BIRC6: variants seen among roughly 807,000 people sequenced by gnomAD.
BIRC6 encodes baculoviral IAP repeat containing 6, also known as dual E2 ubiquitin-conjugating enzyme/E3 ubiquitin-protein ligase BIRC6.
A neutral mutation model predicts 503.3 loss-of-function variants in BIRC6; 98 were observed. The observed-to-expected ratio is 0.19, with a 90% CI of 0.17 to 0.23. The LOEUF is 0.23. Ranked by LOEUF, BIRC6 falls within the 10% of genes least tolerant of loss-of-function variation. The probability of loss-of-function intolerance (pLI) is 1.00; values close to 1 mark genes in which losing one functional copy is unlikely to be tolerated. For missense variants in BIRC6, 5,360 were observed against 5,806.0 expected (o/e 0.92, Z 2.50); for synonymous variants, 2,240 against 2,078.7 (o/e 1.08, Z -2.11).
At chr2:32,558,936 C>T (rs2058969943) in intron 65 of BIRC6, 1 of 152,052 alleles carries the variant, frequency 6.6e-6, no homozygotes, top group African/African-American at 2.4e-5. Flanking sequence ...TTTTTATATG[C>T]TGAATCACAT....
At chr2:32,487,543 T>C in intron 40 of BIRC6, 104 bp from the exon 41 acceptor site, 1 of 1,045,794 alleles carries the variant, frequency 9.6e-7, no homozygotes, top group Non-Finnish European at 1.4e-6. Context: ...AAGAATGCAG[T>C]TTTAATTTTT....
intron 8 of BIRC6, 113 bp from the exon 9 acceptor site, chr2:32,406,386 G>A: frequency 1.4e-6 from 1 of 713,162 alleles, no homozygotes; most frequent in Non-Finnish European, 2.4e-6. Context: ...ATGACAGACT[G>A]AGACCCTGTC....
Position 32,479,615 on chromosome 2 carries a change from C to T in BIRC6, c.7406C>T (p.Thr2469Ile), listed in dbSNP as rs1267699073. 1.3e-6 allele frequency: 2 copies of T among 1,597,738 alleles called. No individual in the cohort carries two copies. Among genetic ancestry groups the T allele is most frequent in the Admixed American group, 3.4e-5 (2 of 58,814 alleles). ...GATGAACCTTTGACACATGACATAA[C>T]AGGTAAAGTTTTACATTATGTTTCT... is the stretch of plus-strand genomic sequence containing the variant. The part of the protein sequence containing the change: ...TIDEPLTHDI[T>I]GAPPLSSLEK... Residue 2469 changes from threonine to isoleucine, a missense_variant and splice_region_variant, in exon 37 of 74, where the codon ACA becomes ATA. Physicochemically the swap from Thr to Ile is moderately conservative, Grantham distance 89 (BLOSUM62 -1). Coordinates refer to ENST00000421745, the MANE Select transcript of BIRC6 (RefSeq NM_016252.4).
chr2:32,610,579 G>A (rs2062796572), intron 72 of BIRC6, among the ~76,000 whole-genome samples: 1 of 152,166 alleles, frequency 6.6e-6, no homozygotes, highest in African/African-American at 2.4e-5. Context: ...TTTAAAGGCA[G>A]AAATTTCTCT....
At chr2:32,458,766 C>G (rs780961135) in intron 23 of BIRC6, among the ~76,000 whole-genome samples, 13 of 140,304 alleles carry the variant, frequency 9.3e-5, no homozygotes, top group African/African-American at 3.5e-4. Context: ...TCAATCTTGG[C>G]TCACTGTAGC....
chr2:32,519,025 T>C (rs1023730097), intron 57 of BIRC6, 79 bp downstream of exon 57: 7 of 1,380,214 alleles, frequency 5.1e-6, no homozygotes, highest in Non-Finnish European at 6.9e-6. Flanking sequence ...TATAACTTTA[T>C]TTTCTGCATC....
intron 65 of BIRC6, among the ~76,000 whole-genome samples, chr2:32,574,185 G>C (rs1027467708): frequency 6.8e-6 from 1 of 146,676 alleles, no homozygotes; most frequent in Non-Finnish European, 1.5e-5. Flanking sequence ...TTTTTGAGGC[G>C]GGATTTTGCC....
chr2:32,498,166 A>G (rs2052713052), intron 45 of BIRC6, among the ~76,000 whole-genome samples: 1 of 151,922 alleles, frequency 6.6e-6, no homozygotes, highest in Admixed American at 6.6e-5. Context: ...GGTTCACGTG[A>G]TTTTCGTGCC....
chr2:32,441,250 C>G, intron 16 of BIRC6, 79 bp from the exon 17 acceptor site: 7 of 1,084,824 alleles, frequency 6.5e-6, no homozygotes, highest in Non-Finnish European at 9.1e-6. Flanking sequence ...AGTTATTTTC[C>G]TTTATTTTAT....
intron 21 of BIRC6, among the ~76,000 whole-genome samples, chr2:32,446,644 T>TG (rs1045012384): frequency 2.0e-4 from 30 of 151,594 alleles, no homozygotes; most frequent in African/African-American, 6.8e-4. Context: ...GTTGAGTCTC[T>TG]GGACAGTGTC....
At chr2:32,572,291 A>G (rs1005098917) in intron 65 of BIRC6, among the ~76,000 whole-genome samples, 2 of 152,144 alleles carry the variant, frequency 1.3e-5, no homozygotes, top group Admixed American at 6.5e-5. Context: ...TTCTGTCTCA[A>G]TTATCTTTCT....
rs544551068 is a variant in BIRC6, at chr2:32,480,493, A to T, written c.7409-827A>T. ...CTATAAAGTTATGTTGAATAAGAGG[A>T]TAGGAATGATGGAAAAGTAAGAGTT... On this transcript the variant is annotated intron_variant, in intron 37 of 73. Transcript: ENST00000421745. Among the ~76,000 whole-genome samples, 20 of 152,156 alleles carry T rather than the reference A, an allele frequency of 1.3e-4. No homozygotes were observed. The South Asian group carries it at 3.9e-3, about 30-fold the overall frequency.
At chr2:32,600,704 G>A (rs2061996350) in intron 70 of BIRC6, among the ~76,000 whole-genome samples, 1 of 152,186 alleles carries the variant, frequency 6.6e-6, no homozygotes, top group Admixed American at 6.5e-5. Flanking sequence ...ATAGAGAAGA[G>A]GGTAAGGGCT....
chr2:32,529,775 C>A lies in BIRC6; in HGVS notation c.12045C>A (p.Asp4015Glu), dbSNP rs746144890. The change falls in exon 60 of 74, where the codon GAC becomes GAA. Residue 4015 changes from aspartate (D) to glutamate (E), a missense_variant. Physicochemically the swap from Asp to Glu is conservative, Grantham distance 45 (BLOSUM62 2). Coordinates refer to ENST00000421745, the MANE Select transcript of BIRC6 (RefSeq NM_016252.4). Reference sequence around the variant, plus strand: ...AATTGGGATCAAGAGTTATAACAGACCCCAGTCTATCAAAAACAGATTCTT... The same window carrying A: ...AATTGGGATCAAGAGTTATAACAGAACCCAGTCTATCAAAAACAGATTCTT... ...TVKLGSRVIT[D>E]PSLSKTDSYK... 2 of 1,612,910 alleles carry A rather than the reference C, an allele frequency of 1.2e-6. No individual in the cohort carries two copies. Among genetic ancestry groups the A allele is most frequent in the East Asian group, 2.2e-5 (1 of 44,800 alleles).
At chr2:32,380,857 G>C (rs1406060209) in intron 3 of BIRC6, among the ~76,000 whole-genome samples, 1 of 152,190 alleles carries the variant, frequency 6.6e-6, no homozygotes, top group Non-Finnish European at 1.5e-5. Flanking sequence ...TGATGGACCT[G>C]GATTGGTCAA....
chr2:32,442,893 A>G (rs907828477), intron 19 of BIRC6, among the ~76,000 whole-genome samples: 9 of 152,118 alleles, frequency 5.9e-5, no homozygotes, highest in Non-Finnish European at 7.4e-5. Context: ...TCCCCAGGGC[A>G]TGTGTCCCAA....
intron 66 of BIRC6, among the ~76,000 whole-genome samples, chr2:32,579,517 G>T (rs2060521823): frequency 6.6e-6 from 1 of 152,072 alleles, no homozygotes; most frequent in African/African-American, 2.4e-5. Flanking sequence ...GGGAGACCCT[G>T]TCTCTACAAA....
intron 49 of BIRC6, among the ~76,000 whole-genome samples, chr2:32,503,854 A>G (rs2053480382): frequency 6.6e-6 from 1 of 151,888 alleles, no homozygotes; most frequent in Non-Finnish European, 1.5e-5. Flanking sequence ...TCAATTTTAA[A>G]TCTCATTTTC....
chr2:32,461,541 G>A (rs796806509), intron 23 of BIRC6, among the ~76,000 whole-genome samples: 38 of 151,324 alleles, frequency 2.5e-4, no homozygotes, highest in African/African-American at 9.2e-4. Context: ...TGTTGAATTT[G>A]TGTCCACTAA....
Sources: gnomAD v4.1 joint callset for allele counts (sites outside exome capture counted in the v4.1 genomes callset) on GRCh38, gnomAD v4.1.1 for gene constraint, MANE v1.5 for transcripts, NCBI Gene and HGNC (gene_info 2026-07-23, HGNC 2026-07-21) for gene names.